Variants in FNBP4 observed in about 807,000 individuals in gnomAD.
FNBP4 encodes formin-binding protein 4.
In FNBP4, 34 loss-of-function variants were observed where a neutral mutation model predicts 119.3. That is an observed-to-expected ratio of 0.28 (90% CI 0.22 to 0.38). The LOEUF is 0.38. Among genes scored for constraint, FNBP4 ranks in the 10% least tolerant of loss-of-function variants. The pLI, the probability that FNBP4 is intolerant of heterozygous loss-of-function variation, is 1.00. For missense variants in FNBP4, 1,112 were observed against 1,228.9 expected, an observed-to-expected ratio of 0.90 and a Z score of 1.42; for synonymous variants, 462 against 430.6, an observed-to-expected ratio of 1.07 and a Z score of -0.90.
intron 12 of FNBP4, among the ~76,000 whole-genome samples, chr11:47,730,661 A>T (rs567189120): frequency 6.6e-6 from 1 of 152,252 alleles, no homozygotes; most frequent in African/African-American, 2.4e-5. Flanking sequence ...TTTAACAAAT[A>T]GCTACCAATT....
chr11:47,756,331 G>A (rs1205517549), intron 2 of FNBP4, among the ~76,000 whole-genome samples: 6 of 152,014 alleles, frequency 3.9e-5, no homozygotes, highest in Non-Finnish European at 8.8e-5. Flanking sequence ...ATTTCACAGC[G>A]CTGACACATT....
chr11:47,760,922 T>C (rs1393265454), intron 2 of FNBP4, among the ~76,000 whole-genome samples: 1 of 152,204 alleles, frequency 6.6e-6, no homozygotes, highest in Non-Finnish European at 1.5e-5. Flanking sequence ...CTCAAGTTTA[T>C]TTTATATAGT....
In FNBP4 at chr11:47,731,455, C is replaced by G. The variant is rs560546491; in HGVS notation, c.1927G>C (p.Asp643His). 5 of 1,614,008 alleles carry G rather than the reference C, an allele frequency of 3.1e-6. No homozygotes were observed. Among genetic ancestry groups the G allele is most frequent in the Non-Finnish European group, 4.2e-6 (5 of 1,179,970 alleles). Residue 643 changes from aspartate to histidine, a missense_variant, in exon 12 of 17, where the codon GAT becomes CAT. Around this residue, in one of 2 missense-constraint regions of FNBP4, gnomAD observed 826 missense variants for 988.8 expected, o/e 0.84. Transcript: ENST00000263773. The stretch of plus-strand genomic sequence containing the variant: ...AAGGTCTGTTTGGCAAGAGTCTCAT[C>G]TCTATTTTCTTGTGCTTGGCTTTCT... ...EEESQAQENR[D>H]ETLAKQTLKD...
rs529382383 is a variant in FNBP4 at position 47,724,917 on chromosome 11, T to A, written c.2009-139A>T. 5.7e-5 allele frequency: 73 copies of A among 1,277,224 alleles called. No individual in the cohort carries two copies. In the African/African-American group the frequency reaches 1.0e-3, roughly 18 times the overall value. 79.1% of individuals were successfully genotyped at this position (1,277,224 alleles called of 1,614,324 possible). On this transcript the variant is annotated intron_variant, in intron 12 of 16. Coordinates refer to ENST00000263773, the MANE Select transcript of FNBP4 (RefSeq NM_015308.5). ...GTACAAAACAATACAGAATGTGGTGTCAAACAGCAGGGAATGGCTCCTTCC... is the reference window on the plus strand; with the variant it reads ...GTACAAAACAATACAGAATGTGGTGACAAACAGCAGGGAATGGCTCCTTCC...
rs2097568924 is a variant in FNBP4 at position 47,732,731 on chromosome 11, A to G, written c.1687-61T>C. The stretch of plus-strand genomic sequence containing the variant: ...ATTACATGTCAGGAGACACAGGCAA[A>G]GGGGATATAAACCTTCTGCTCCAAG... On this transcript the variant is annotated intron_variant, in intron 10 of 16. Transcript: ENST00000263773. This position sits in a 1 kb window ranked among gnomAD's most constrained non-coding sequence, Gnocchi z 4.2. 7 of 1,518,110 alleles carry G rather than the reference A, an allele frequency of 4.6e-6. No homozygotes were observed. The highest frequency in any genetic ancestry group is 1.7e-5 in the Admixed American group (1 of 59,410). The allele number at this position is 1,518,110 out of a possible 1,614,324, so 94.0% of individuals were successfully genotyped here. A position where few individuals can be genotyped will look rare whatever the true frequency, so the allele number is the denominator to read the frequency against.
intron 15 of FNBP4, among the ~76,000 whole-genome samples, chr11:47,721,106 G>A (rs180777325): frequency 7.2e-5 from 11 of 151,954 alleles, no homozygotes; most frequent in Admixed American, 2.0e-4. Context: ...AGGATCACGA[G>A]GTCAGGTGAT....
intron 8 of FNBP4, among the ~76,000 whole-genome samples, chr11:47,740,216 A>G (rs556488635): frequency 1.3e-5 from 2 of 151,968 alleles, no homozygotes; most frequent in East Asian, 4.0e-4. Context: ...GGAGTTCGAG[A>G]TTAGCCTGGC....
At chr11:47,743,739 C>CG (rs1409092907) in intron 8 of FNBP4, 6 of 568,674 alleles carry the variant, frequency 1.1e-5, no homozygotes, top group Non-Finnish European at 1.9e-5. Flanking sequence ...AATACACCAC[C>CG]ATCCAGTGGG....
At chr11:47,753,559 C>G (rs867836707) in intron 3 of FNBP4, among the ~76,000 whole-genome samples, 1 of 151,596 alleles carries the variant, frequency 6.6e-6, no homozygotes, top group African/African-American at 2.4e-5. Flanking sequence ...TGCAGTGAGC[C>G]GAGATCACGC....
chr11:47,740,022 A>G (rs1295430685), intron 8 of FNBP4, among the ~76,000 whole-genome samples: 1 of 149,772 alleles, frequency 6.7e-6, no homozygotes, highest in Admixed American at 6.7e-5. Context: ...CTGGTCTCGA[A>G]CTCTCAATCT....
At chr11:47,760,048 T>C (rs2097629894) in intron 2 of FNBP4, among the ~76,000 whole-genome samples, 1 of 152,184 alleles carries the variant, frequency 6.6e-6, no homozygotes, top group Non-Finnish European at 1.5e-5. Context: ...CTGCATGGTA[T>C]TTTCATTACA....
At chr11:47,742,484 A>C (rs2097583629) in intron 8 of FNBP4, among the ~76,000 whole-genome samples, 1 of 144,938 alleles carries the variant, frequency 6.9e-6, no homozygotes, top group Middle Eastern at 3.5e-3. Flanking sequence ...TCTCAAAAAA[A>C]AAAAAAAAAA....
chr11:47,718,294 A>G (rs1037437537), intron 16 of FNBP4, among the ~76,000 whole-genome samples: 1 of 151,682 alleles, frequency 6.6e-6, no homozygotes, highest in Non-Finnish European at 1.5e-5. Context: ...GCTCACTGCA[A>G]CCTCTGCCTC....
intron 2 of FNBP4, among the ~76,000 whole-genome samples, chr11:47,757,855 C>T (rs1425210012): frequency 6.6e-6 from 1 of 152,176 alleles, no homozygotes; most frequent in Middle Eastern, 3.2e-3. Flanking sequence ...TACGGTCTTG[C>T]TCTATTGCCA....
At chr11:47,741,415 C>T (rs900320477) in intron 8 of FNBP4, among the ~76,000 whole-genome samples, 3 of 151,668 alleles carry the variant, frequency 2.0e-5, no homozygotes, top group African/African-American at 4.9e-5. Flanking sequence ...ATGATCTTTC[C>T]GCTTTGCCCT....
At chr11:47,754,190 G>C (rs1234645800) in intron 3 of FNBP4, among the ~76,000 whole-genome samples, 1 of 147,906 alleles carries the variant, frequency 6.8e-6, no homozygotes, top group Non-Finnish European at 1.5e-5. Flanking sequence ...CTGGGCAACA[G>C]AGTGAGATTC....
rs1344605234 is a variant in FNBP4, at chr11:47,765,575, G to T, written c.221-213C>A. ...ACTTTGGGAGGCCAAGACGGGGGGG[G>T]GGGGGGGCCACTTGAGGTCAGGGGT... On this transcript the variant is annotated intron_variant, in intron 1 of 16. Transcript: ENST00000263773. Among the ~76,000 whole-genome samples, 351 of 110,694 alleles carry T rather than the reference G, an allele frequency of 3.2e-3. 32 individuals carry two copies. Among genetic ancestry groups the T allele is most frequent in the Non-Finnish European group, 5.3e-3 (290 of 54,814 alleles). The allele number at this position is 110,694 out of a possible 152,430, so 72.6% of individuals were successfully genotyped here. A position where few individuals can be genotyped will look rare whatever the true frequency, so the allele number is the denominator to read the frequency against.
chr11:47,749,594 A>C (rs2097597796), intron 6 of FNBP4, among the ~76,000 whole-genome samples: 1 of 152,136 alleles, frequency 6.6e-6, no homozygotes, highest in Non-Finnish European at 1.5e-5. Context: ...ATTTTGATGC[A>C]AAAAAGTCTT....
At chr11:47,726,154 C>A (rs1382403180) in intron 12 of FNBP4, 1 of 152,140 alleles carries the variant, frequency 6.6e-6, no homozygotes, top group Non-Finnish European at 1.5e-5. Flanking sequence ...AAATAAGGCT[C>A]AATTATGAAA....
Sources: gnomAD v4.1 joint callset for allele counts (sites outside exome capture counted in the v4.1 genomes callset) on GRCh38, gnomAD v4.1.1 for gene constraint, gnomAD v4.1.1 regional missense constraint, Gnocchi (gnomAD v3.1) non-coding constraint, MANE v1.5 for transcripts, NCBI Gene and HGNC (gene_info 2026-07-23, HGNC 2026-07-21) for gene names.